SAMD12: variants seen among roughly 807,000 people sequenced by gnomAD.
The protein encoded by SAMD12 is sterile alpha motif domain-containing protein 12.
In SAMD12, 9 loss-of-function variants were observed where a neutral mutation model predicts 15.0. That is an observed-to-expected ratio of 0.60 (90% CI 0.36 to 1.05). The LOEUF is 1.05. SAMD12 is among the 50% of genes least tolerant of loss of function. The pLI, the probability that SAMD12 is intolerant of heterozygous loss-of-function variation, is 0.01. For missense variants in SAMD12, 230 were observed against 234.2 expected, an observed-to-expected ratio of 0.98 and a Z score of 0.12; for synonymous variants, 86 against 90.1, an observed-to-expected ratio of 0.96 and a Z score of 0.25.
At chr8:118,615,644 C>T (rs1828221231) in intron 1 of SAMD12, among the ~76,000 whole-genome samples, 2 of 152,196 alleles carry the variant, frequency 1.3e-5, no homozygotes, top group South Asian at 4.1e-4. Flanking sequence ...CCCAGCTCCC[C>T]CTACCCTTGT....
chr8:118,380,651 A>T (rs984868639), intron 3 of SAMD12, among the ~76,000 whole-genome samples: 5 of 152,200 alleles, frequency 3.3e-5, no homozygotes, highest in African/African-American at 7.2e-5. Context: ...TACTCATCAC[A>T]TCTGCAGATC....
intron 2 of SAMD12, among the ~76,000 whole-genome samples, chr8:118,479,193 C>G (rs777428800): frequency 2.0e-5 from 3 of 152,182 alleles, no homozygotes; most frequent in Non-Finnish European, 4.4e-5. Context: ...TGTAACCACA[C>G]TGGCCTCTCT....
At chr8:118,528,593 T>TA (rs1231973126) in intron 2 of SAMD12, among the ~76,000 whole-genome samples, 1 of 152,260 alleles carries the variant, frequency 6.6e-6, no homozygotes, top group Non-Finnish European at 1.5e-5. Context: ...TTTGAATTCA[T>TA]ATAGAGCAGA....
At chr8:118,426,000 T>C (rs533188908) in intron 3 of SAMD12, among the ~76,000 whole-genome samples, 7 of 152,304 alleles carry the variant, frequency 4.6e-5, no homozygotes, top group South Asian at 2.1e-4. Flanking sequence ...TTTCTGTTTA[T>C]TCATGTGAAA....
intron 4 of SAMD12, among the ~76,000 whole-genome samples, chr8:118,272,217 C>G (rs913461960): frequency 6.6e-6 from 1 of 152,250 alleles, no homozygotes; most frequent in Non-Finnish European, 1.5e-5. Context: ...AGGCTCAACA[C>G]CGCATAGAAG....
intron 4 of SAMD12, among the ~76,000 whole-genome samples, chr8:118,261,633 A>C (rs1813079256): frequency 7.0e-6 from 1 of 143,740 alleles, no homozygotes; most frequent in Admixed American, 7.0e-5. Flanking sequence ...AAAACACATG[A>C]TTTTTTTTTT....
chr8:118,602,851 C>T (rs1827893435), intron 1 of SAMD12, among the ~76,000 whole-genome samples: 1 of 151,880 alleles, frequency 6.6e-6, no homozygotes, highest in African/African-American at 2.4e-5. Context: ...AAACATTTAA[C>T]ATAAAAGGAG....
chr8:118,423,729 T>G (rs187988719), intron 3 of SAMD12, among the ~76,000 whole-genome samples: 118 of 152,308 alleles, frequency 7.7e-4, no homozygotes, highest in African/African-American at 2.5e-3. Context: ...CCTCTGGGCT[T>G]GTATAACATG....
chr8:118,491,327 G>C (rs772518403), intron 2 of SAMD12, among the ~76,000 whole-genome samples: 1 of 152,050 alleles, frequency 6.6e-6, no homozygotes, highest in African/African-American at 2.4e-5. Context: ...GTTTCTCCTC[G>C]CTTTATGCAT....
chr8:118,311,876 A>G (rs1371853395), intron 4 of SAMD12, among the ~76,000 whole-genome samples: 2 of 152,088 alleles, frequency 1.3e-5, no homozygotes, highest in African/African-American at 4.8e-5. Context: ...ACCTCCAATC[A>G]TATCTCCAAC....
intron 2 of SAMD12, among the ~76,000 whole-genome samples, chr8:118,475,162 C>G (rs1823917763): frequency 6.6e-6 from 1 of 152,162 alleles, no homozygotes; most frequent in African/African-American, 2.4e-5. Context: ...TCACGTGACC[C>G]TGGGAGGTGG....
At chr8:118,586,344 CTTT>C (rs869191799) in intron 1 of SAMD12, among the ~76,000 whole-genome samples, 12 of 139,876 alleles carry the variant, frequency 8.6e-5, no homozygotes, top group Admixed American at 2.9e-4. Flanking sequence ...CTTTTTCTTT[CTTT>C]TTTTTTTTTT....
the SAMD12 span, among the ~76,000 whole-genome samples, chr8:118,174,914 A>C: frequency 2.0e-5 from 3 of 152,054 alleles, no homozygotes; most frequent in African/African-American, 7.2e-5. Context: ...ATAAGTTATA[A>C]ATATCATGGA....
the SAMD12 span, among the ~76,000 whole-genome samples, chr8:118,158,585 G>A: frequency 2.6e-5 from 4 of 152,248 alleles, no homozygotes; most frequent in Non-Finnish European, 5.9e-5. Context: ...CTCCTGGACA[G>A]AAAGTGGCAG....
chr8:118,292,619 T>C (rs1005574922), intron 4 of SAMD12, among the ~76,000 whole-genome samples: 4 of 151,786 alleles, frequency 2.6e-5, no homozygotes, highest in Admixed American at 6.6e-5. Context: ...TATTGCAGCA[T>C]TATTCACAAT....
intron 3 of SAMD12, among the ~76,000 whole-genome samples, chr8:118,416,478 C>T (rs1258539305): frequency 1.3e-5 from 2 of 152,134 alleles, no homozygotes; most frequent in African/African-American, 4.8e-5. Context: ...AATCTTTAAA[C>T]TTGAGCAGAA....
chr8:118,269,602 C>T (rs76854027), intron 4 of SAMD12, among the ~76,000 whole-genome samples: 1,990 of 152,136 alleles, frequency 0.013, 52 homozygotes, highest in South Asian at 0.051. Flanking sequence ...CTGAGAGTTG[C>T]CTCAGTCAAT....
chr8:118,324,666 T>C (rs867392069), intron 4 of SAMD12, among the ~76,000 whole-genome samples: 1 of 152,102 alleles, frequency 6.6e-6, no homozygotes, highest in African/African-American at 2.4e-5. Context: ...AGACCTGACA[T>C]TTGAATTGAA....
At chr8:118,579,271 T>TTTC (rs1827225243) in intron 2 of SAMD12, among the ~76,000 whole-genome samples, 1 of 152,178 alleles carries the variant, frequency 6.6e-6, no homozygotes, top group South Asian at 2.1e-4. Flanking sequence ...AAAGTCTGTT[T>TTTC]ATCTTCCTAA....
Sources: allele counts gnomAD v4.1 joint callset (sites outside exome capture counted in the v4.1 genomes callset), GRCh38; gene constraint gnomAD v4.1.1; transcripts MANE v1.5; gene names NCBI Gene and HGNC (gene_info 2026-07-23, HGNC 2026-07-21).